PIK3CA: variants seen among roughly 807,000 people sequenced by gnomAD.
PIK3CA encodes phosphatidylinositol 4,5-bisphosphate 3-kinase catalytic subunit alpha isoform.
PIK3CA carries 27 observed loss-of-function variants against 138.2 expected under a neutral mutation model. The ratio of observed to expected loss-of-function variants is 0.20; its 90% confidence interval spans 0.14 to 0.27. PIK3CA has a LOEUF of 0.27. Among genes scored for constraint, PIK3CA ranks in the 10% least tolerant of loss-of-function variants. The pLI, the probability that PIK3CA is intolerant of heterozygous loss-of-function variation, is 1.00. For missense variants in PIK3CA, 544 were observed against 1,277.4 expected, an observed-to-expected ratio of 0.43 and a Z score of 8.75; for synonymous variants, 358 against 413.2, an observed-to-expected ratio of 0.87 and a Z score of 1.62.
rs1060503811 is a variant in PIK3CA, at chr3:179,201,363, C to T, written c.636C>T (p.Asn212=). 2 of 1,613,308 alleles carry T rather than the reference C, an allele frequency of 1.2e-6. No homozygotes were observed. The highest frequency in any genetic ancestry group is 1.7e-4 in the Middle Eastern group (1 of 6,058). The change falls in exon 4 of 21, where the codon AAC becomes AAT. Residue 212 remains asparagine (N), a synonymous_variant. Coordinates refer to ENST00000263967, the MANE Select transcript of PIK3CA (RefSeq NM_006218.4). ...AGCAGAAGTATACTCTGAAAATCAA[C>T]CATGACTGTGTACCAGAACAAGTAA... is the stretch of plus-strand genomic sequence containing the variant. ...NDKQKYTLKI[N]HDCVPEQVIA...
intron 7 of PIK3CA, 137 bp from the exon 8 acceptor site, chr3:179,210,049 T>C: frequency 1.6e-6 from 1 of 636,292 alleles, no homozygotes; most frequent in Non-Finnish European, 2.5e-6. Context: ...GGCTTAAACC[T>C]TGAAAAATCA....
chr3:179,216,561 A>G (rs1724840810), intron 9 of PIK3CA, among the ~76,000 whole-genome samples: 1 of 152,198 alleles, frequency 6.6e-6, no homozygotes, highest in Non-Finnish European at 1.5e-5. Context: ...TGGCATTTAT[A>G]GAGTAGAAAT....
At chr3:179,172,060 A>C (rs1723572254) in intron 1 of PIK3CA, among the ~76,000 whole-genome samples, 2 of 152,172 alleles carry the variant, frequency 1.3e-5, no homozygotes, top group East Asian at 3.8e-4. Context: ...AGTAGGATTT[A>C]TCCCAGCAAT....
intron 1 of PIK3CA, among the ~76,000 whole-genome samples, 155 bp downstream of exon 1, chr3:179,148,758 G>A (rs1722923568): frequency 6.6e-6 from 1 of 152,018 alleles, no homozygotes; most frequent in African/African-American, 2.4e-5. Flanking sequence ...TGCGATCGCC[G>A]CACCCTCTCC....
Position 179,219,397 on chromosome 3 carries a change from A to G in PIK3CA, c.1746+120A>G. 1 of 735,972 alleles carries G rather than the reference A, an allele frequency of 1.4e-6. No homozygotes were observed. 45.6% of individuals were successfully genotyped at this position (735,972 alleles called of 1,614,324 possible). A position where few individuals can be genotyped will look rare whatever the true frequency, so the allele number is the denominator to read the frequency against. ...ATAGACTAATAGTAATATAGTGTAG[A>G]AAAAAACACCCTTAACATTATTTCC... On this transcript the variant is annotated intron_variant, in intron 11 of 20. Transcript: ENST00000263967. This position sits in a 1 kb window ranked among gnomAD's most constrained non-coding sequence, Gnocchi z 4.2.
intron 1 of PIK3CA, among the ~76,000 whole-genome samples, chr3:179,194,959 C>G (rs1241667146): frequency 6.7e-6 from 1 of 148,890 alleles, no homozygotes; most frequent in Non-Finnish European, 1.5e-5. Flanking sequence ...TCTTTTTAAC[C>G]TTTGTTTTTG....
chr3:179,166,870 C>T (rs1344364798), intron 1 of PIK3CA, among the ~76,000 whole-genome samples: 1 of 152,014 alleles, frequency 6.6e-6, no homozygotes, highest in Non-Finnish European at 1.5e-5. Flanking sequence ...ATACATGTAG[C>T]CACGGTTTAA....
chr3:179,219,204 G>A lies in PIK3CA; in HGVS notation c.1673G>A (p.Cys558Tyr). 1 of 1,592,040 alleles carries A rather than the reference G, an allele frequency of 6.3e-7. No homozygotes were observed. The highest frequency in any genetic ancestry group is 2.2e-5 in the East Asian group (1 of 44,614). The change falls in exon 11 of 21, where the codon TGT becomes TAT. Residue 558 changes from cysteine (C) to tyrosine (Y), a missense_variant. Around this residue, in one of 14 missense-constraint regions of PIK3CA, gnomAD observed 13 missense variants for 16.1 expected, o/e 0.81. Transcript: ENST00000263967. The surrounding 1 kb of genome is among the most constrained non-coding windows in gnomAD (Gnocchi z 4.2). ...KDFLWSHRHYCVTIPEILPKL... is the reference protein window; with the variant it reads ...KDFLWSHRHYYVTIPEILPKL... ...TTGTTTCTCCCACACAGACACTATT[G>A]TGTAACTATCCCCGAAATTCTACCC...
At position 179,198,932 on chromosome 3, in the gene PIK3CA, G is replaced by T; in HGVS notation, c.107G>T (p.Cys36Phe). Residue 36 changes from cysteine to phenylalanine, a missense_variant, in exon 2 of 21, where the codon TGC becomes TTC. Physicochemically the swap from Cys to Phe is radical, Grantham distance 205. This residue lies in a region of PIK3CA where 47 missense variants were observed against 84.0 expected (regional missense o/e 0.56). Transcript: ENST00000263967. ...LPNGMIVTLE[C>F]LREATLITIK... The stretch of plus-strand genomic sequence containing the variant: ...AATGGAATGATAGTGACTTTAGAAT[G>T]CCTCCGTGAGGCTACATTAATAACC... 6.2e-7 allele frequency: 1 copy of T among 1,611,770 alleles called. No homozygotes were observed. The highest frequency in any genetic ancestry group is 8.5e-7 in the Non-Finnish European group (1 of 1,178,514).
rs1725188307 is a variant in PIK3CA at position 179,230,604 on chromosome 3, A to T, written c.2936+228A>T. 6.6e-6 allele frequency among the ~76,000 whole-genome samples: 1 copy of T among 152,074 alleles called. No homozygotes were observed. The highest frequency in any genetic ancestry group is 1.5e-5 in the Non-Finnish European group (1 of 68,012). ...ATTCATGTCTACAAAAAAATTTAAAAAGTAGCCAGGCGTGGTGGCATGCAC... is the reference window on the plus strand; with the variant it reads ...ATTCATGTCTACAAAAAAATTTAAATAGTAGCCAGGCGTGGTGGCATGCAC... On this transcript the variant is annotated intron_variant, in intron 20 of 20. Transcript: ENST00000263967. This position sits in a 1 kb window ranked among gnomAD's most constrained non-coding sequence, Gnocchi z 5.4.
In PIK3CA at chr3:179,220,650, A is replaced by G. The variant is rs887681080; in HGVS notation, c.2016-336A>G. On this transcript the variant is annotated intron_variant, in intron 13 of 20. Transcript: ENST00000263967. This position sits in a 1 kb window ranked among gnomAD's most constrained non-coding sequence, Gnocchi z 4.1. ...GCGTGTGTCAGAAGAGTCAAACAGC[A>G]TTCACTGAGCGCTTTGTTCCCTCCC... Among the ~76,000 whole-genome samples the G allele has an allele frequency of 3.3e-5, 5 of 152,178 alleles. No homozygotes were observed. Among genetic ancestry groups the G allele is most frequent in the African/African-American group, 1.2e-4 (5 of 41,448 alleles).
chr3:179,221,469 T>G (rs1724964860), intron 14 of PIK3CA, among the ~76,000 whole-genome samples: 1 of 152,174 alleles, frequency 6.6e-6, no homozygotes, highest in African/African-American at 2.4e-5. Context: ...TTAGATCCCT[T>G]TACTTTCCCT....
intron 1 of PIK3CA, among the ~76,000 whole-genome samples, chr3:179,164,194 C>A (rs1319800130): frequency 2.6e-5 from 4 of 152,030 alleles, no homozygotes; most frequent in African/African-American, 4.8e-5. Flanking sequence ...CCAAAAATAT[C>A]CAGACAAAAC....
chr3:179,167,347 C>T (rs1208728038), intron 1 of PIK3CA, among the ~76,000 whole-genome samples: 2 of 151,906 alleles, frequency 1.3e-5, no homozygotes, highest in Non-Finnish European at 2.9e-5. Context: ...TCTCACTAGC[C>T]TTTCATTCAT....
intron 1 of PIK3CA, among the ~76,000 whole-genome samples, chr3:179,179,125 TA>T (rs1001408851): frequency 6.6e-6 from 1 of 152,250 alleles, no homozygotes; most frequent in Non-Finnish European, 1.5e-5. Context: ...CAGGCTTTTT[TA>T]AGGATAAGCA....
rs1248066956 is a variant in PIK3CA at position 179,219,596 on chromosome 3, C to T, written c.1772C>T (p.Pro591Leu). ...AQMYCLVKDW[P>L]PIKPEQAMEL... ...ATGTATTGCTTGGTAAAAGATTGGC[C>T]TCCAATCAAACCTGAACAGGCTATG... Residue 591 changes from proline to leucine, a missense_variant, in exon 12 of 21, where the codon CCT (proline) becomes CTT (leucine). Physicochemically the swap from Pro to Leu is moderately conservative, Grantham distance 98. Coordinates refer to ENST00000263967, the MANE Select transcript of PIK3CA (RefSeq NM_006218.4). This position sits in a 1 kb window ranked among gnomAD's most constrained non-coding sequence, Gnocchi z 4.2. The T allele has an allele frequency of 1.3e-5, 20 of 1,536,034 alleles. No homozygotes were observed. Among genetic ancestry groups the T allele is most frequent in the Non-Finnish European group, 1.7e-5 (19 of 1,110,906 alleles).
At chr3:179,176,817 T>A (rs1389070476) in intron 1 of PIK3CA, among the ~76,000 whole-genome samples, 2 of 152,182 alleles carry the variant, frequency 1.3e-5, no homozygotes, top group Admixed American at 1.3e-4. Flanking sequence ...TACAAAGACA[T>A]CCATATAATA....
chr3:179,195,012 CAAAA>C (rs11316257), intron 1 of PIK3CA, among the ~76,000 whole-genome samples: 1 of 96,056 alleles, frequency 1.0e-5, no homozygotes, highest in Non-Finnish European at 2.3e-5. Context: ...AGGTACTTCT[CAAAA>C]AAAAAAAAAA....
chr3:179,185,946 A>G (rs1723970946), intron 1 of PIK3CA, among the ~76,000 whole-genome samples: 1 of 152,184 alleles, frequency 6.6e-6, no homozygotes, highest in South Asian at 2.1e-4. Context: ...TGATTAAATA[A>G]TTGGCCATTG....
Sources: allele counts gnomAD v4.1 joint callset (sites outside exome capture counted in the v4.1 genomes callset), GRCh38; gene constraint gnomAD v4.1.1; regional missense constraint gnomAD v4.1.1; non-coding constraint Gnocchi (gnomAD v3.1); transcripts MANE v1.5; gene names NCBI Gene and HGNC (gene_info 2026-07-23, HGNC 2026-07-21).